Variants in ANKRD10 observed in about 807,000 individuals in gnomAD.
ANKRD10 encodes ankyrin repeat domain-containing protein 10.
Under a neutral mutation model 27.0 loss-of-function variants are expected in ANKRD10, and 14 were observed. The observed-to-expected ratio is 0.52, with a 90% CI of 0.34 to 0.81. The LOEUF (loss-of-function observed/expected upper bound fraction) is 0.81. Among genes scored for constraint, ANKRD10 ranks in the 40% least tolerant of loss-of-function variants. The probability of loss-of-function intolerance (pLI) is 0.01; values close to 1 mark genes in which losing one functional copy is unlikely to be tolerated. For missense variants in ANKRD10, 493 were observed against 544.0 expected (o/e 0.91, Z 0.93); for synonymous variants, 250 against 224.5 (o/e 1.11, Z -1.01).
intron 2 of ANKRD10, among the ~76,000 whole-genome samples, chr13:110,906,641 C>T (rs2065545829): frequency 6.6e-6 from 1 of 152,112 alleles, no homozygotes; most frequent in African/African-American, 2.4e-5. Flanking sequence ...GGGACCACAA[C>T]TTAGACAAGA....
At chr13:110,905,754 T>C (rs2065513896) in intron 3 of ANKRD10, among the ~76,000 whole-genome samples, 1 of 152,124 alleles carries the variant, frequency 6.6e-6, no homozygotes, top group African/African-American at 2.4e-5. Context: ...GGCAAAGTAA[T>C]GATGCCAAGT....
intron 5 of ANKRD10, 102 bp from the exon 6 acceptor site, chr13:110,880,214 C>T (rs1473558334): frequency 3.0e-6 from 3 of 994,172 alleles, no homozygotes; most frequent in Non-Finnish European, 4.3e-6. Flanking sequence ...ATTTTAGTTT[C>T]TTTTTTTTCC....
In ANKRD10 at chr13:110,911,951, T is replaced by C. The variant is rs1594646419; in HGVS notation, c.211-1181A>G. Reference sequence around the variant, plus strand: ...GGCCCCATTCTCCACATTTTTTTACTCTTTTCAAAACCCTATGGGGGAAAA... The same window carrying C: ...GGCCCCATTCTCCACATTTTTTTACCCTTTTCAAAACCCTATGGGGGAAAA... On this transcript the variant is annotated intron_variant, in intron 1 of 5. Transcript: ENST00000267339. Among the ~76,000 whole-genome samples, 8 of 152,322 alleles carry C rather than the reference T, an allele frequency of 5.3e-5. No individual in the cohort carries two copies. The East Asian group carries it at 1.5e-3, about 29-fold the overall frequency.
Position 110,914,983 on chromosome 13 carries a change from G to C in ANKRD10, c.-49C>G. 6.7e-7 allele frequency: 1 copy of C among 1,503,274 alleles called. No individual in the cohort carries two copies. The highest frequency in any genetic ancestry group is 8.8e-7 in the Non-Finnish European group (1 of 1,130,948). 93.1% of individuals were successfully genotyped at this position (1,503,274 alleles called of 1,614,324 possible). The stretch of plus-strand genomic sequence containing the variant: ...GCTCGCTGGCCTAGAGGACGCGTCG[G>C]GGAGGACTCGAGAAGCCGCCGCCGC... On this transcript the variant is annotated 5_prime_UTR_variant, in exon 1 of 6. Coordinates refer to ENST00000267339, the MANE Select transcript of ANKRD10 (RefSeq NM_017664.4).
chr13:110,893,345 G>A, intron 3 of ANKRD10, 82 bp from the exon 4 acceptor site: 1 of 1,356,428 alleles, frequency 7.4e-7, no homozygotes. Flanking sequence ...CTAGCTATCT[G>A]AAGGTGGTAT....
chr13:110,914,919 C>G lies in ANKRD10; in HGVS notation c.16G>C (p.Ala6Pro). Residue 6 changes from alanine (A) to proline (P), a missense_variant, in exon 1 of 6, where the codon GCG becomes CCG. Coordinates refer to ENST00000267339, the MANE Select transcript of ANKRD10 (RefSeq NM_017664.4). MSAAG[A>P]GAGVEAGFSS... Reference sequence around the variant, plus strand: ...AAGCCCGCCTCTACGCCCGCGCCCGCTCCCGCCGCCGACATGGTCCGTCAC... The same window carrying G: ...AAGCCCGCCTCTACGCCCGCGCCCGGTCCCGCCGCCGACATGGTCCGTCAC... 6.5e-7 allele frequency: 1 copy of G among 1,534,296 alleles called. No individual in the cohort carries two copies. Among genetic ancestry groups the G allele is most frequent in the Non-Finnish European group, 8.7e-7 (1 of 1,145,176 alleles).
intron 4 of ANKRD10, among the ~76,000 whole-genome samples, chr13:110,888,947 T>G (rs1369742930): frequency 1.3e-5 from 2 of 152,174 alleles, no homozygotes; most frequent in Admixed American, 6.5e-5. Flanking sequence ...ATGTCCCAAT[T>G]GTGAAATTGA....
chr13:110,892,639 A>T (rs1325116882), intron 4 of ANKRD10: 21 of 815,034 alleles, frequency 2.6e-5, no homozygotes, highest in Non-Finnish European at 3.1e-5. Context: ...ACCATCAGCA[A>T]TTTTTATAAG....
At chr13:110,898,414 T>C (rs1182344820) in intron 3 of ANKRD10, among the ~76,000 whole-genome samples, 2 of 152,260 alleles carry the variant, frequency 1.3e-5, no homozygotes, top group Non-Finnish European at 2.9e-5. Context: ...TTTCATGTTT[T>C]AATTGCTAAA....
intron 3 of ANKRD10, chr13:110,894,989 C>G (rs577824029): frequency 6.6e-6 from 1 of 152,062 alleles, no homozygotes; most frequent in Middle Eastern, 3.4e-3. Flanking sequence ...ATTTCACTTT[C>G]AAAAGATATC....
chr13:110,915,007 GCAGC>G lies in ANKRD10; in HGVS notation c.-77_-74del. 6.7e-7 allele frequency: 1 copy of G among 1,481,952 alleles called. No homozygotes were observed. The highest frequency in any genetic ancestry group is 1.3e-5 in the South Asian group (1 of 75,166). 91.8% of individuals were successfully genotyped at this position (1,481,952 alleles called of 1,614,324 possible). ...GGGGAGGACTCGAGAAGCCGCCGCC[GCAGC>G]ACAAAGGAACGAGACTAGCGCCGCG... On this transcript the variant is annotated 5_prime_UTR_variant, in exon 1 of 6. Transcript: ENST00000267339.
chr13:110,890,680 A>C (rs2065051173), intron 4 of ANKRD10, among the ~76,000 whole-genome samples: 1 of 152,236 alleles, frequency 6.6e-6, no homozygotes, highest in South Asian at 2.1e-4. Context: ...ACAGTGGCTC[A>C]ACCTGTTAGG....
chr13:110,883,846 T>G, intron 4 of ANKRD10, 53 bp from the exon 5 acceptor site: 1 of 1,594,664 alleles, frequency 6.3e-7, no homozygotes, highest in Non-Finnish European at 8.6e-7. Flanking sequence ...ACAAGATAAG[T>G]GTTCAGACAC....
intron 3 of ANKRD10, chr13:110,894,802 CATA>C (rs2065185595): frequency 6.6e-6 from 1 of 152,036 alleles, no homozygotes; most frequent in African/African-American, 2.4e-5. Context: ...TCTAGTATTG[CATA>C]ATATTTTTAT....
Position 110,914,628 on chromosome 13 carries a change from TC to T in ANKRD10, c.210+96del, listed in dbSNP as rs1217390328. 9.1e-6 allele frequency: 13 copies of T among 1,434,664 alleles called. 1 individual carries two copies. In the Admixed American group the frequency reaches 3.3e-4, roughly 36 times the overall value. 88.9% of individuals were successfully genotyped at this position (1,434,664 alleles called of 1,614,324 possible). ...CGTCGATCCCGCTTCCGCCCCGCGATCCCGGCACGCCCCACGTCCCCCGCAC... is the reference window on the plus strand; with the variant it reads ...CGTCGATCCCGCTTCCGCCCCGCGATCCGGCACGCCCCACGTCCCCCGCAC... On this transcript the variant is annotated intron_variant, in intron 1 of 5. Transcript: ENST00000267339.
At chr13:110,894,288 T>G (rs1410824731) in intron 3 of ANKRD10, 4 of 815,388 alleles carry the variant, frequency 4.9e-6, no homozygotes, top group Admixed American at 2.0e-5. Context: ...TCCATACCTG[T>G]TCAGCAAGCT....
chr13:110,879,988 T>G lies in ANKRD10; in HGVS notation c.912A>C (p.Thr304=). 1 of 1,614,250 alleles carries G rather than the reference T, an allele frequency of 6.2e-7. No individual in the cohort carries two copies. The highest frequency in any genetic ancestry group is 8.5e-7 in the Non-Finnish European group (1 of 1,180,044). The part of the protein sequence containing the change: ...GMESRNGQCL[T]GTNGISSGLA... The stretch of plus-strand genomic sequence containing the variant: ...ATCCACTGCTAATTCCGTTAGTTCC[T>G]GTCAAGCACTGGCCATTCCTGCTTT... The change falls in exon 6 of 6, where the codon ACA becomes ACC. Residue 304 remains threonine, a synonymous_variant. Transcript: ENST00000267339.
Position 110,915,057 on chromosome 13 carries a change from G to A in ANKRD10, c.-123C>T, listed in dbSNP as rs1439335508. On this transcript the variant is annotated 5_prime_UTR_variant, in exon 1 of 6. Coordinates refer to ENST00000267339, the MANE Select transcript of ANKRD10 (RefSeq NM_017664.4). ...CCGCGGTCGCGTCCCACAGGCTGCC[G>A]AGCGGAGCGCGCACAGAGGGGGCGG... is the stretch of plus-strand genomic sequence containing the variant. The A allele has an allele frequency of 1.4e-6, 2 of 1,414,516 alleles. No homozygotes were observed. The highest frequency in any genetic ancestry group is 3.0e-5 in the South Asian group (2 of 65,858). 87.6% of individuals were successfully genotyped at this position (1,414,516 alleles called of 1,614,324 possible).
intron 2 of ANKRD10, among the ~76,000 whole-genome samples, chr13:110,906,789 G>C (rs753519349): frequency 6.6e-6 from 1 of 152,046 alleles, no homozygotes; most frequent in Admixed American, 6.6e-5. Context: ...AGCTTCATAA[G>C]AATGAAATTC....
Sources: gnomAD v4.1 joint callset for allele counts (sites outside exome capture counted in the v4.1 genomes callset) on GRCh38, gnomAD v4.1.1 for gene constraint, MANE v1.5 for transcripts, NCBI Gene and HGNC (gene_info 2026-07-23, HGNC 2026-07-21) for gene names.